IGFBP6: variants seen among roughly 807,000 people sequenced by gnomAD.
IGFBP6 encodes insulin-like growth factor-binding protein 6.
IGFBP6 carries 24 observed loss-of-function variants against 24.5 expected under a neutral mutation model. The observed-to-expected ratio is 0.98, with a 90% CI of 0.71 to 1.38. The LOEUF is 1.38. Among genes scored for constraint, IGFBP6 ranks in the 40% most tolerant of loss-of-function variants. The pLI, the probability that IGFBP6 is intolerant of heterozygous loss-of-function variation, is 0.00. For missense variants in IGFBP6, 331 were observed against 324.8 expected (o/e 1.02, Z -0.15); for synonymous variants, 147 against 137.4 (o/e 1.07, Z -0.49).
chr12:53,098,515 T>A (rs1937779120), intron 1 of IGFBP6, among the ~76,000 whole-genome samples: 1 of 152,096 alleles, frequency 6.6e-6, no homozygotes, highest in African/African-American at 2.4e-5. Flanking sequence ...GAGAAATGAC[T>A]CCTTTCCTCC....
chr12:53,102,024 C>A (rs1937838908), intron 3 of IGFBP6, 21 bp from the exon 4 acceptor site: 2 of 1,611,398 alleles, frequency 1.2e-6, no homozygotes, highest in Non-Finnish European at 1.7e-6. Flanking sequence ...TCACTCCTGA[C>A]CTGTGTGCCT....
rs528243970 is a variant in IGFBP6 at position 53,100,950 on chromosome 12, G to T, written c.481-91G>T. The T allele has an allele frequency of 3.1e-5, 49 of 1,605,546 alleles. No individual in the cohort carries two copies. The East Asian group carries it at 1.0e-3, about 33-fold the overall frequency. ...CCTTGGGCTTGGAGACGTCTCCATT[G>T]TCTGTCCTGGGTGCTTGCCTGGTGG... On this transcript the variant is annotated intron_variant, in intron 2 of 3. Transcript: ENST00000301464.
At chr12:53,101,443 C>T (rs965545974) in intron 3 of IGFBP6, among the ~76,000 whole-genome samples, 3 of 152,192 alleles carry the variant, frequency 2.0e-5, no homozygotes, top group African/African-American at 7.2e-5. Context: ...AGCTGAGCCC[C>T]ACCGGCAGCC....
chr12:53,102,086 T>A lies in IGFBP6; in HGVS notation c.642T>A (p.Cys214Ter). ...GGCAGCGCCGAGGTCCCTGCTGGTG[T>A]GTGGATCGGATGGGCAAGTCCCTGC... Reference protein sequence around the residue: ...SQGQRRGPCWCVDRMGKSLPG... With the variant: ...SQGQRRGPCW The change falls in exon 4 of 4, where the codon TGT becomes TGA. Residue 214 changes from cysteine (C) to a stop codon, truncating the protein, a stop_gained. Coordinates refer to ENST00000301464, the MANE Select transcript of IGFBP6 (RefSeq NM_002178.3). LOFTEE classifies it high-confidence loss of function. 2.5e-6 allele frequency: 4 copies of A among 1,613,932 alleles called. No homozygotes were observed. The highest frequency in any genetic ancestry group is 3.4e-6 in the Non-Finnish European group (4 of 1,179,972).
chr12:53,100,645 G>A, intron 1 of IGFBP6, 67 bp from the exon 2 acceptor site: 1 of 1,540,700 alleles, frequency 6.5e-7, no homozygotes, highest in Admixed American at 1.7e-5. Flanking sequence ...CAGGTGATGT[G>A]GGCAAGGCCC....
chr12:53,101,010 G>A (rs202012975), intron 2 of IGFBP6, 31 bp from the exon 3 acceptor site: 22 of 1,609,486 alleles, frequency 1.4e-5, no homozygotes, highest in Middle Eastern at 3.3e-4. Context: ...GGGCTGGAGC[G>A]GTTCTAAGCT....
At chr12:53,099,745 AAATTAGTTAATTTTTTAAAATTAAGT>A (rs1203163825) in intron 1 of IGFBP6, among the ~76,000 whole-genome samples, 16 of 149,304 alleles carry the variant, frequency 1.1e-4, no homozygotes, top group African/African-American at 2.5e-4. Flanking sequence ...ATTGATTTTT[AAATTAGTTAATTTTTTAAAATTAAGT>A]AATTAGTTAA....
At chr12:53,101,366 T>C (rs1223303249) in intron 3 of IGFBP6, among the ~76,000 whole-genome samples, 1 of 152,202 alleles carries the variant, frequency 6.6e-6, no homozygotes, top group Non-Finnish European at 1.5e-5. Flanking sequence ...ACTTAAGGAA[T>C]GCCCTAACTC....
At chr12:53,100,906 C>CT in intron 2 of IGFBP6, 49 bp downstream of exon 2, 1 of 1,611,668 alleles carries the variant, frequency 6.2e-7, no homozygotes, top group Non-Finnish European at 8.5e-7. Flanking sequence ...GCCCTGGAGA[C>CT]TTCCATCTGA....
chr12:53,101,822 C>A (rs1937832119), intron 3 of IGFBP6, among the ~76,000 whole-genome samples: 1 of 140,468 alleles, frequency 7.1e-6, no homozygotes, highest in Middle Eastern at 3.7e-3. Flanking sequence ...TTGCTTGAAC[C>A]TGGGAGGTGG....
intron 3 of IGFBP6, 79 bp from the exon 4 acceptor site, chr12:53,101,966 C>A: frequency 1.5e-6 from 2 of 1,316,566 alleles, no homozygotes; most frequent in Non-Finnish European, 1.0e-6. Context: ...TTTTTACATC[C>A]TCAGACTCAG....
At position 53,097,957 on chromosome 12, in the gene IGFBP6, A is replaced by G; in HGVS notation, c.240A>G (p.Pro80=). The change falls in exon 1 of 4, where the codon CCA becomes CCG. Residue 80 remains proline, a synonymous_variant. Coordinates refer to ENST00000301464, the MANE Select transcript of IGFBP6 (RefSeq NM_002178.3). The part of the protein sequence containing the change: ...ECGVYTPNCA[P]GLQCHPPKDD... ...GGGTCTACACCCCTAACTGCGCCCCAGGACTGCAGTGCCATCCGCCCAAGG... is the reference window on the plus strand; with the variant it reads ...GGGTCTACACCCCTAACTGCGCCCCGGGACTGCAGTGCCATCCGCCCAAGG... The G allele has an allele frequency of 6.6e-7, 1 of 1,514,874 alleles. No individual in the cohort carries two copies. 93.8% of individuals were successfully genotyped at this position (1,514,874 alleles called of 1,614,324 possible). A position where few individuals can be genotyped will look rare whatever the true frequency, so the allele number is the denominator to read the frequency against.
rs757972739 is a variant in IGFBP6, at chr12:53,097,882, G to A, written c.165G>A (p.Glu55=). 5 of 1,517,832 alleles carry A rather than the reference G, an allele frequency of 3.3e-6. No individual in the cohort carries two copies. In the South Asian group the frequency reaches 6.2e-5, roughly 19 times the overall value. The allele number at this position is 1,517,832 out of a possible 1,614,324, so 94.0% of individuals were successfully genotyped here. ...AGGAGGATGGGGGGTCGCCAGCCGA[G>A]GGCTGCGCGGAAGCTGAGGGCTGTC... ...VEEEDGGSPA[E]GCAEAEGCLR... The change falls in exon 1 of 4, where the codon GAG becomes GAA. Residue 55 remains glutamate, a synonymous_variant. Transcript: ENST00000301464.
chr12:53,099,186 T>G, intron 1 of IGFBP6: 2 of 390,564 alleles, frequency 5.1e-6, no homozygotes, highest in South Asian at 1.7e-5. Flanking sequence ...TGATTAGATG[T>G]TAGGCAAATT....
At chr12:53,102,014 T>TCACTCCTG in intron 3 of IGFBP6, 31 bp from the exon 4 acceptor site, 1 of 1,572,862 alleles carries the variant, frequency 6.4e-7, no homozygotes, top group Non-Finnish European at 8.6e-7. Flanking sequence ...GCCTCTGGCC[T>TCACTCCTG]CACTCCTGAC....
intron 3 of IGFBP6, 56 bp from the exon 4 acceptor site, chr12:53,101,989 A>G: frequency 1.9e-6 from 3 of 1,557,984 alleles, no homozygotes; most frequent in Non-Finnish European, 8.7e-7. Context: ...GTCCCCTCTC[A>G]TTCTCCTGCT....
rs10082746 is a variant in IGFBP6 at position 53,100,564 on chromosome 12, T to C, written c.335-148T>C. The C allele has an allele frequency of 1.7e-4, 117 of 699,924 alleles. No homozygotes were observed. The African/African-American group carries it at 1.8e-3, about 11-fold the overall frequency. 43.4% of individuals were successfully genotyped at this position (699,924 alleles called of 1,614,324 possible). On this transcript the variant is annotated intron_variant, in intron 1 of 3. Transcript: ENST00000301464. ...TTGTCAGGAAAAGTAATATAACTAT[T>C]TGTCAGAGAAAGAAACTAGGGCCAG...
At chr12:53,099,044 G>A (rs553195136) in intron 1 of IGFBP6, 26 of 234,582 alleles carry the variant, frequency 1.1e-4, no homozygotes, top group South Asian at 5.3e-4. Flanking sequence ...TCTGGGGAGG[G>A]GTGGGCATCC....
In IGFBP6 at chr12:53,101,110, A is replaced by C; in HGVS notation, c.550A>C (p.Thr184Pro). Residue 184 changes from threonine to proline, a missense_variant, in exon 3 of 4, where the codon ACA becomes CCA. Physicochemically the swap from Thr to Pro is conservative, Grantham distance 38. Coordinates refer to ENST00000301464, the MANE Select transcript of IGFBP6 (RefSeq NM_002178.3). ...GACTGAGGTCTACCGAGGGGCTCAA[A>C]CACTCTACGTGCCCAATTGTGACCA... ...LQTEVYRGAQ[T>P]LYVPNCDHRG... 6.2e-7 allele frequency: 1 copy of C among 1,613,924 alleles called. No homozygotes were observed. The highest frequency in any genetic ancestry group is 8.5e-7 in the Non-Finnish European group (1 of 1,179,794).
Sources: allele counts gnomAD v4.1 joint callset (sites outside exome capture counted in the v4.1 genomes callset), GRCh38; gene constraint gnomAD v4.1.1; transcripts MANE v1.5; gene names NCBI Gene and HGNC (gene_info 2026-07-23, HGNC 2026-07-21).